INPP4A: variants seen among roughly 807,000 people sequenced by gnomAD.
INPP4A encodes inositol polyphosphate-4-phosphatase type I A.
Under a neutral mutation model 119.8 loss-of-function variants are expected in INPP4A, and 33 were observed. The observed-to-expected ratio is 0.28, with a 90% CI of 0.21 to 0.37. INPP4A has a LOEUF of 0.37. INPP4A is among the 10% of genes least tolerant of loss of function. The pLI is 1.00. For missense variants in INPP4A, 956 were observed against 1,289.9 expected (o/e 0.74, Z 3.97); for synonymous variants, 496 against 500.7 (o/e 0.99, Z 0.12).
rs78316209 is a variant in INPP4A at position 98,513,897 on chromosome 2, T to G, written c.-165-5067T>G. ...TGTGCCATGTCATAGAAAGTCCTCC[T>G]AGGTGCCCGTTGTTCTCTTATTTGC... On this transcript the variant is annotated intron_variant, in intron 1 of 24. Coordinates refer to ENST00000409851, the MANE Select transcript of INPP4A (RefSeq NM_001134225.2). Among the ~76,000 whole-genome samples the G allele has an allele frequency of 4.2e-3, 633 of 152,302 alleles. 9 individuals carry two copies. The highest frequency in any genetic ancestry group is 0.014 in the African/African-American group (579 of 41,552).
At chr2:98,575,377 C>G (rs901462181) in intron 23 of INPP4A, among the ~76,000 whole-genome samples, 2 of 152,188 alleles carry the variant, frequency 1.3e-5, no homozygotes, top group African/African-American at 4.8e-5. Flanking sequence ...ACCTATAGTT[C>G]CAGCTTCCGT....
chr2:98,445,771 C>CT (rs1396214075), intron 1 of INPP4A, among the ~76,000 whole-genome samples: 1 of 152,198 alleles, frequency 6.6e-6, no homozygotes, highest in African/African-American at 2.4e-5. Context: ...GTCGCCTGCC[C>CT]TCTGACATTA....
Position 98,554,266 on chromosome 2 carries a change from T to C in INPP4A, c.1348-5T>C. On this transcript the variant is annotated splice_polypyrimidine_tract_variant and splice_region_variant and intron_variant, in intron 14 of 24. Coordinates refer to ENST00000409851, the MANE Select transcript of INPP4A (RefSeq NM_001134225.2). The surrounding 1 kb of genome is among the most constrained non-coding windows in gnomAD (Gnocchi z 4.7). ...TCAGCAGCCTTGGTTTGTGTGCACCTGCAGACACGGCAGCTGGTCACGGTC... is the reference window on the plus strand; with the variant it reads ...TCAGCAGCCTTGGTTTGTGTGCACCCGCAGACACGGCAGCTGGTCACGGTC... The C allele has an allele frequency of 6.3e-7, 1 of 1,594,670 alleles. No individual in the cohort carries two copies. The highest frequency in any genetic ancestry group is 8.5e-7 in the Non-Finnish European group (1 of 1,170,962).
Position 98,562,754 on chromosome 2 carries a change from C to T in INPP4A, c.1856-711C>T, listed in dbSNP as rs536469472. On this transcript the variant is annotated intron_variant, in intron 17 of 24. Coordinates refer to ENST00000409851, the MANE Select transcript of INPP4A (RefSeq NM_001134225.2). ...AAAATATCTTTCACCCTGTTTTTCTCCCTTGAGGTTCTATTTTTAAAAAGT... is the reference window on the plus strand; with the variant it reads ...AAAATATCTTTCACCCTGTTTTTCTTCCTTGAGGTTCTATTTTTAAAAAGT... Among the ~76,000 whole-genome samples, 10 of 151,604 alleles carry T rather than the reference C, an allele frequency of 6.6e-5. No homozygotes were observed. In the East Asian group the frequency reaches 1.6e-3, roughly 24 times the overall value.
chr2:98,535,066 G>C (rs1689981781), intron 5 of INPP4A, among the ~76,000 whole-genome samples: 2 of 152,296 alleles, frequency 1.3e-5, no homozygotes, highest in African/African-American at 2.4e-5. Context: ...TCTCCAGAGA[G>C]AAAAAGGAGC....
rs1009854752 is a variant in INPP4A at position 98,496,567 on chromosome 2, A to G, written c.-165-22397A>G. ...AAGCTTCTGCACAGCAAAGGAAACAACAAAGTGAAAAGACAAACTGCAGGA... is the reference window on the plus strand; with the variant it reads ...AAGCTTCTGCACAGCAAAGGAAACAGCAAAGTGAAAAGACAAACTGCAGGA... On this transcript the variant is annotated intron_variant, in intron 1 of 24. Coordinates refer to ENST00000409851, the MANE Select transcript of INPP4A (RefSeq NM_001134225.2). Among the ~76,000 whole-genome samples the G allele has an allele frequency of 6.6e-5, 10 of 152,344 alleles. No individual in the cohort carries two copies. The South Asian group carries it at 2.1e-3, about 32-fold the overall frequency.
At chr2:98,508,165 T>C (rs1331335328) in intron 1 of INPP4A, among the ~76,000 whole-genome samples, 1 of 152,150 alleles carries the variant, frequency 6.6e-6, no homozygotes, top group Non-Finnish European at 1.5e-5. Context: ...GCTGTTCTAG[T>C]GGCTGGGGCA....
At chr2:98,507,276 C>T (rs1433401222) in intron 1 of INPP4A, among the ~76,000 whole-genome samples, 4 of 152,128 alleles carry the variant, frequency 2.6e-5, no homozygotes, top group Admixed American at 1.3e-4. Flanking sequence ...TTGGGGTTTG[C>T]TTGTGTTAAT....
At chr2:98,532,388 TTTTC>T (rs1689402418) in intron 4 of INPP4A, among the ~76,000 whole-genome samples, 2 of 152,084 alleles carry the variant, frequency 1.3e-5, no homozygotes, top group Non-Finnish European at 2.9e-5. Context: ...GTTAATACTT[TTTTC>T]TATTTTATTT....
chr2:98,520,313 G>A (rs1296420920), intron 3 of INPP4A, among the ~76,000 whole-genome samples, 159 bp downstream of exon 3: 1 of 152,224 alleles, frequency 6.6e-6, no homozygotes, highest in Non-Finnish European at 1.5e-5. Context: ...CAGGAAATAG[G>A]GAAGGGGGAT....
At chr2:98,526,748 T>C (rs185345752) in intron 4 of INPP4A, among the ~76,000 whole-genome samples, 7 of 152,352 alleles carry the variant, frequency 4.6e-5, no homozygotes, top group African/African-American at 1.7e-4. Flanking sequence ...CTGCAGGCTA[T>C]ACAAGCATGG....
intron 1 of INPP4A, among the ~76,000 whole-genome samples, chr2:98,466,442 A>G (rs1468352113): frequency 3.9e-5 from 6 of 152,270 alleles, no homozygotes; most frequent in Admixed American, 1.3e-4. Context: ...ACAGATTACA[A>G]TGAGTCACCG....
chr2:98,449,416 C>T (rs1051445592), intron 1 of INPP4A, among the ~76,000 whole-genome samples: 6 of 152,174 alleles, frequency 3.9e-5, no homozygotes, highest in Admixed American at 3.3e-4. Context: ...CCATTACTCC[C>T]ATTATGCATT....
chr2:98,552,775 A>G lies in INPP4A; in HGVS notation c.1164-11A>G, dbSNP rs746944702. ...GGAGAATCCCTTAGAATCCATTCTT[A>G]TCCTTTCCAGTACATCATCTGGCTG... On this transcript the variant is annotated splice_polypyrimidine_tract_variant and intron_variant, in intron 13 of 24. Transcript: ENST00000409851. 1 of 1,604,702 alleles carries G rather than the reference A, an allele frequency of 6.2e-7. No homozygotes were observed. Among genetic ancestry groups the G allele is most frequent in the South Asian group, 1.1e-5 (1 of 90,778 alleles).
chr2:98,522,383 AAAG>A (rs1687389801), intron 4 of INPP4A, among the ~76,000 whole-genome samples: 1 of 151,998 alleles, frequency 6.6e-6, no homozygotes, highest in Non-Finnish European at 1.5e-5. Flanking sequence ...ATAAAGATAA[AAAG>A]AACAATTGAA....
chr2:98,564,527 C>T (rs1696074722), intron 18 of INPP4A, 113 bp from the exon 19 acceptor site: 1 of 1,320,322 alleles, frequency 7.6e-7, no homozygotes, highest in Non-Finnish European at 1.1e-6. Flanking sequence ...CCACTGAAGC[C>T]CCTTTGAGCA....
intron 4 of INPP4A, among the ~76,000 whole-genome samples, chr2:98,523,565 T>C (rs1439552959): frequency 6.6e-6 from 1 of 152,022 alleles, no homozygotes; most frequent in Non-Finnish European, 1.5e-5. Flanking sequence ...CAGCTAATTT[T>C]TTGTATTTTT....
intron 24 of INPP4A, chr2:98,581,856 G>C: frequency 6.2e-6 from 9 of 1,458,550 alleles, no homozygotes; most frequent in Non-Finnish European, 8.1e-6. Flanking sequence ...GTGTCAAACC[G>C]TGGTCTGCCA....
At chr2:98,484,769 T>G (rs1679209241) in intron 1 of INPP4A, among the ~76,000 whole-genome samples, 1 of 152,178 alleles carries the variant, frequency 6.6e-6, no homozygotes, top group South Asian at 2.1e-4. Context: ...TTGGTAGATC[T>G]TACTTAGAAT....
Sources: allele counts gnomAD v4.1 joint callset (sites outside exome capture counted in the v4.1 genomes callset), GRCh38; gene constraint gnomAD v4.1.1; non-coding constraint Gnocchi (gnomAD v3.1); transcripts MANE v1.5; gene names NCBI Gene and HGNC (gene_info 2026-07-23, HGNC 2026-07-21).